RGL1: variants seen among roughly 807,000 people sequenced by gnomAD.
The protein encoded by RGL1 is ral guanine nucleotide dissociation stimulator-like 1.
A neutral mutation model predicts 95.2 loss-of-function variants in RGL1; 24 were observed. That is an observed-to-expected ratio of 0.25 (90% confidence interval 0.18 to 0.35). The LOEUF (loss-of-function observed/expected upper bound fraction) is 0.35. RGL1 is among the 10% of genes least tolerant of loss of function. The pLI is 1.00. For synonymous variants in RGL1, 329 were observed against 344.9 expected (o/e 0.95, Z 0.51); for missense variants, 715 against 936.3 (o/e 0.76, Z 3.08).
At chr1:183,664,974 A>G (rs1361213038) in intron 1 of RGL1, among the ~76,000 whole-genome samples, 9 of 152,120 alleles carry the variant, frequency 5.9e-5, no homozygotes, top group Non-Finnish European at 1.5e-5. Flanking sequence ...CTTAGTGGGA[A>G]AGCTTTATTG....
intron 1 of RGL1, among the ~76,000 whole-genome samples, chr1:183,687,986 G>A (rs1427622891): frequency 6.6e-6 from 1 of 152,120 alleles, no homozygotes; most frequent in Non-Finnish European, 1.5e-5. Context: ...CAAGATCTGG[G>A]TTTTGATTCT....
chr1:183,736,972 G>GA (rs1656977809), intron 1 of RGL1, among the ~76,000 whole-genome samples: 1 of 151,800 alleles, frequency 6.6e-6, no homozygotes, highest in Non-Finnish European at 1.5e-5. Context: ...AGGAGGAGGA[G>GA]AAAAAAATAA....
At chr1:183,761,903 C>T (rs1189574126) in intron 2 of RGL1, among the ~76,000 whole-genome samples, 1 of 152,224 alleles carries the variant, frequency 6.6e-6, no homozygotes, top group Non-Finnish European at 1.5e-5. Flanking sequence ...ATGTCTTCTT[C>T]TCTTAAACAT....
chr1:183,846,516 A>G (rs981044954), intron 2 of RGL1, among the ~76,000 whole-genome samples: 2 of 151,966 alleles, frequency 1.3e-5, no homozygotes, highest in African/African-American at 4.8e-5. Flanking sequence ...CTGCATATGT[A>G]TCCCAGCACT....
chr1:183,654,231 C>A (rs1650978389), intron 1 of RGL1, among the ~76,000 whole-genome samples: 1 of 152,122 alleles, frequency 6.6e-6, no homozygotes, highest in Non-Finnish European at 1.5e-5. Context: ...CAGGTGTATT[C>A]ATGAACTCCT....
chr1:183,726,518 A>G (rs1656321858), intron 1 of RGL1, among the ~76,000 whole-genome samples: 1 of 152,134 alleles, frequency 6.6e-6, no homozygotes, highest in Admixed American at 6.5e-5. Context: ...TAATAAATTA[A>G]ACAACCTTGA....
chr1:183,726,453 T>G (rs1052131578), intron 1 of RGL1, among the ~76,000 whole-genome samples: 1 of 152,036 alleles, frequency 6.6e-6, no homozygotes, highest in Non-Finnish European at 1.5e-5. Flanking sequence ...ATCTCTAAGA[T>G]TCTTTATATA....
At position 183,862,601 on chromosome 1, in the gene RGL1, T is replaced by C. The variant is rs1017373774; in HGVS notation, c.348-3395T>C. On this transcript the variant is annotated intron_variant, in intron 3 of 17. Transcript: ENST00000360851. Reference sequence around the variant, plus strand: ...TAGATTTTTGGAATAATCACAGCTATCTTAAAACTTTTATGCTCCTAAGCC... The same window carrying C: ...TAGATTTTTGGAATAATCACAGCTACCTTAAAACTTTTATGCTCCTAAGCC... 6.6e-5 allele frequency among the ~76,000 whole-genome samples: 10 copies of C among 152,378 alleles called. No homozygotes were observed. In the East Asian group the frequency reaches 9.6e-4, roughly 15 times the overall value.
intron 1 of RGL1, among the ~76,000 whole-genome samples, chr1:183,806,019 A>ATTTTTTTTTTTTTTTTTTTTTTT (rs1661311270): frequency 4.3e-5 from 2 of 46,310 alleles, no homozygotes; most frequent in Non-Finnish European, 9.2e-5. Context: ...TTTACAAAGA[A>ATTTTTTTTTTTTTTTTTTTTTTT]TTATTTTTCC....
At chr1:183,873,407 T>C (rs1180360919) in intron 4 of RGL1, among the ~76,000 whole-genome samples, 1 of 152,194 alleles carries the variant, frequency 6.6e-6, no homozygotes, top group African/African-American at 2.4e-5. Flanking sequence ...TGCTGAGATA[T>C]TGTCCTCACT....
At chr1:183,911,668 C>T (rs1016004642) in intron 14 of RGL1, among the ~76,000 whole-genome samples, 10 of 152,214 alleles carry the variant, frequency 6.6e-5, no homozygotes, top group Admixed American at 6.5e-4. Context: ...CTGTAGTTCA[C>T]AGATTGTTGG....
chr1:183,785,227 C>T (rs1660098027), intron 2 of RGL1, among the ~76,000 whole-genome samples: 1 of 152,236 alleles, frequency 6.6e-6, no homozygotes, highest in South Asian at 2.1e-4. Flanking sequence ...CTGGCCTTAG[C>T]CCATCTCCCA....
chr1:183,895,089 C>G (rs1477323600), intron 9 of RGL1, among the ~76,000 whole-genome samples: 1 of 152,118 alleles, frequency 6.6e-6, no homozygotes, highest in Non-Finnish European at 1.5e-5. Flanking sequence ...CTAGAAAGCC[C>G]CAGAAATTCA....
At chr1:183,914,649 C>A in intron 15 of RGL1, among the ~76,000 whole-genome samples, 1 of 152,184 alleles carries the variant, frequency 6.6e-6, no homozygotes, top group East Asian at 1.9e-4. Flanking sequence ...TTCCTTTCTT[C>A]ATTCCCCGAT....
At chr1:183,675,233 G>A (rs553528980) in intron 1 of RGL1, among the ~76,000 whole-genome samples, 1 of 152,112 alleles carries the variant, frequency 6.6e-6, no homozygotes, top group East Asian at 1.9e-4. Context: ...TAGAGCTTTA[G>A]ACTTTATTTT....
chr1:183,691,652 T>C (rs1056943965), intron 1 of RGL1, among the ~76,000 whole-genome samples: 3 of 152,184 alleles, frequency 2.0e-5, no homozygotes, highest in Non-Finnish European at 2.9e-5. Flanking sequence ...TTAAAGAAGA[T>C]AGTAATGTTG....
Position 183,746,148 on chromosome 1 carries a change from C to T in RGL1, c.132+3859C>T, listed in dbSNP as rs115106210. Among the ~76,000 whole-genome samples the T allele has an allele frequency of 3.7e-3, 561 of 152,044 alleles. 4 individuals are homozygous for T. The highest frequency in any genetic ancestry group is 0.013 in the African/African-American group (525 of 41,480). Reference sequence around the variant, plus strand: ...CAAATACTTGTGAGTCCACAACCAACTTAAGAAATAGTTTGTTGAGTCTAT... The same window carrying T: ...CAAATACTTGTGAGTCCACAACCAATTTAAGAAATAGTTTGTTGAGTCTAT... On this transcript the variant is annotated intron_variant, in intron 2 of 18. Transcript: ENST00000304685.
intron 1 of RGL1, among the ~76,000 whole-genome samples, chr1:183,668,003 A>ATGTG (rs71130628): frequency 0.031 from 4,141 of 135,216 alleles, 69 homozygotes; most frequent in East Asian, 0.071. Context: ...GCTTATATAT[A>ATGTG]TGTGTGTGTG....
chr1:183,659,427 C>T (rs928812215), intron 1 of RGL1, among the ~76,000 whole-genome samples: 4 of 151,844 alleles, frequency 2.6e-5, no homozygotes, highest in Admixed American at 6.6e-5. Flanking sequence ...CCTCAGGAGC[C>T]GATGTGATCA....
Sources: allele counts gnomAD v4.1 joint callset (sites outside exome capture counted in the v4.1 genomes callset), GRCh38; gene constraint gnomAD v4.1.1; transcripts MANE v1.5; gene names NCBI Gene and HGNC (gene_info 2026-07-23, HGNC 2026-07-21).